Variants in KLHL1 observed in about 807,000 individuals in gnomAD.
KLHL1 encodes kelch-like protein 1.
KLHL1 carries 47 observed loss-of-function variants against 77.7 expected under a neutral mutation model. The ratio of observed to expected loss-of-function variants is 0.60; its 90% CI spans 0.48 to 0.77. The LOEUF is 0.77. Ranked by LOEUF, KLHL1 falls within the 30% of genes least tolerant of loss-of-function variation. KLHL1 has a pLI of 0.00. For missense variants in KLHL1, 925 were observed against 910.8 expected, an observed-to-expected ratio of 1.02 and a Z score of -0.20; for synonymous variants, 360 against 325.2, an observed-to-expected ratio of 1.11 and a Z score of -1.15.
At chr13:69,708,850 C>A (rs1875751043) in intron 9 of KLHL1, among the ~76,000 whole-genome samples, 1 of 151,904 alleles carries the variant, frequency 6.6e-6, no homozygotes, top group African/African-American at 2.4e-5. Context: ...TTCTGACAAA[C>A]ACAGCAAATA....
At chr13:69,873,090 C>T (rs1314484091) in intron 5 of KLHL1, among the ~76,000 whole-genome samples, 1 of 152,060 alleles carries the variant, frequency 6.6e-6, no homozygotes, top group Non-Finnish European at 1.5e-5. Context: ...CAAAATAATT[C>T]CCTAAAATTA....
intron 4 of KLHL1, among the ~76,000 whole-genome samples, chr13:69,924,579 T>C (rs1882752503): frequency 1.3e-5 from 2 of 152,210 alleles, no homozygotes; most frequent in East Asian, 3.9e-4. Context: ...CCTGTTTGTC[T>C]TGCTGACCCT....
intron 1 of KLHL1, among the ~76,000 whole-genome samples, chr13:70,031,957 G>A (rs1886112210): frequency 6.6e-6 from 1 of 152,106 alleles, no homozygotes; most frequent in African/African-American, 2.4e-5. Context: ...GATGTGTAGA[G>A]AAGAAAGAAT....
At chr13:69,886,888 A>C (rs1881239684) in intron 4 of KLHL1, among the ~76,000 whole-genome samples, 1 of 152,230 alleles carries the variant, frequency 6.6e-6, no homozygotes, top group African/African-American at 2.4e-5. Context: ...CCTTTGTCAG[A>C]CCACTACATA....
intron 7 of KLHL1, among the ~76,000 whole-genome samples, chr13:69,781,931 A>AC (rs1322398453): frequency 2.1e-4 from 32 of 151,896 alleles, no homozygotes; most frequent in Non-Finnish European, 3.7e-4. Flanking sequence ...ATTGCTTTTA[A>AC]AGAGATGACA....
At chr13:69,884,243 T>C (rs528112426) in intron 4 of KLHL1, among the ~76,000 whole-genome samples, 1 of 152,262 alleles carries the variant, frequency 6.6e-6, no homozygotes, top group African/African-American at 2.4e-5. Context: ...TAATACAATT[T>C]GTAAATAATG....
intron 6 of KLHL1, among the ~76,000 whole-genome samples, chr13:69,808,471 C>T (rs1877718896): frequency 6.6e-6 from 1 of 152,110 alleles, no homozygotes; most frequent in Admixed American, 6.6e-5. Flanking sequence ...GCCTGGCACT[C>T]TGAAAGCACC....
intron 8 of KLHL1, among the ~76,000 whole-genome samples, chr13:69,725,131 G>A (rs9529629): frequency 0.63 from 96,159 of 151,960 alleles, 30,847 homozygotes; most frequent in East Asian, 0.73. Flanking sequence ...TATGATTCTG[G>A]TCAAGGAACA....
At chr13:69,889,719 G>A (rs1881356157) in intron 4 of KLHL1, among the ~76,000 whole-genome samples, 1 of 151,952 alleles carries the variant, frequency 6.6e-6, no homozygotes, top group Admixed American at 6.6e-5. Context: ...ACTAGCTGTG[G>A]AACATTAAGG....
chr13:70,038,627 C>T (rs565866967), intron 1 of KLHL1, among the ~76,000 whole-genome samples: 39 of 100,346 alleles, frequency 3.9e-4, no homozygotes, highest in African/African-American at 1.3e-3. Context: ...TCATTCTTGT[C>T]GCTCAGGGTG....
At chr13:70,083,179 C>A (rs1887437023) in intron 1 of KLHL1, among the ~76,000 whole-genome samples, 1 of 152,096 alleles carries the variant, frequency 6.6e-6, no homozygotes, top group African/African-American at 2.4e-5. Flanking sequence ...AGCATTTAAA[C>A]TGCTAAGCAC....
intron 9 of KLHL1, among the ~76,000 whole-genome samples, chr13:69,710,740 G>T (rs996991612): frequency 2.7e-4 from 41 of 152,064 alleles, no homozygotes; most frequent in African/African-American, 9.4e-4. Flanking sequence ...GTCATTTTCA[G>T]GTTATGTTTC....
intron 6 of KLHL1, among the ~76,000 whole-genome samples, chr13:69,801,903 G>A (rs568351352): frequency 3.0e-4 from 45 of 152,090 alleles, no homozygotes; most frequent in Middle Eastern, 3.4e-3. Flanking sequence ...TGGGATACAC[G>A]AAAGAACATG....
Position 70,092,421 on chromosome 13 carries a change from CT to C in KLHL1, c.497+14781del, listed in dbSNP as rs555846714. Among the ~76,000 whole-genome samples the C allele has an allele frequency of 3.3e-3, 498 of 152,218 alleles. 2 individuals are homozygous for C. Among genetic ancestry groups the C allele is most frequent in the African/African-American group, 0.011 (450 of 41,560 alleles). ...CTATGTGTTTCCAAAGCCTTACTCT[CT>C]CTTTAAAATAATATATTAAACTCTG... On this transcript the variant is annotated intron_variant, in intron 1 of 10. Coordinates refer to ENST00000377844, the MANE Select transcript of KLHL1 (RefSeq NM_020866.3).
chr13:69,751,340 C>A (rs144272165), intron 7 of KLHL1, among the ~76,000 whole-genome samples: 2 of 151,808 alleles, frequency 1.3e-5, no homozygotes, highest in African/African-American at 2.4e-5. Flanking sequence ...CCTCACAGAA[C>A]GCGTACAGGT....
intron 8 of KLHL1, among the ~76,000 whole-genome samples, chr13:69,727,611 C>G (rs1873359607): frequency 6.6e-6 from 1 of 152,030 alleles, no homozygotes; most frequent in Non-Finnish European, 1.5e-5. Context: ...CCACTGTATT[C>G]TAGAATGAAG....
intron 9 of KLHL1, among the ~76,000 whole-genome samples, chr13:69,713,107 G>A (rs1477543816): frequency 2.0e-5 from 3 of 152,064 alleles, no homozygotes; most frequent in African/African-American, 7.2e-5. Flanking sequence ...TGGAATTAAA[G>A]GCATAACCCA....
intron 4 of KLHL1, among the ~76,000 whole-genome samples, chr13:69,897,600 A>G (rs1433684940): frequency 6.6e-6 from 1 of 152,150 alleles, no homozygotes; most frequent in African/African-American, 2.4e-5. Flanking sequence ...GTGTCACTAA[A>G]TGCCCCCTTC....
intron 1 of KLHL1, among the ~76,000 whole-genome samples, chr13:70,104,210 T>C (rs1372255336): frequency 1.3e-5 from 2 of 152,268 alleles, no homozygotes; most frequent in East Asian, 3.9e-4. Flanking sequence ...GTAGAGAAAT[T>C]AATGATTAAT....
Sources: gnomAD v4.1 joint callset for allele counts (sites outside exome capture counted in the v4.1 genomes callset) on GRCh38, gnomAD v4.1.1 for gene constraint, MANE v1.5 for transcripts, NCBI Gene and HGNC (gene_info 2026-07-23, HGNC 2026-07-21) for gene names.